Variants in NBEAL1 observed in about 807,000 individuals in gnomAD.
NBEAL1 encodes neurobeachin-like protein 1.
In NBEAL1, 273 loss-of-function variants were observed where a neutral mutation model predicts 351.3. That is an observed-to-expected ratio of 0.78 (90% confidence interval 0.70 to 0.86). The LOEUF (loss-of-function observed/expected upper bound fraction) is 0.86, where lower values mean the gene tolerates loss of function less well. Among genes scored for constraint, NBEAL1 ranks in the 40% least tolerant of loss-of-function variants. The pLI, the probability that NBEAL1 is intolerant of heterozygous loss-of-function variation, is 0.00. For synonymous variants in NBEAL1, 1,050 were observed against 1,086.4 expected (o/e 0.97, Z 0.66); for missense variants, 2,961 against 3,201.3 (o/e 0.92, Z 1.81).
Position 203,180,461 on chromosome 2 carries a change from G to T in NBEAL1, c.6544G>T (p.Glu2182Ter). Reference sequence around the variant, plus strand: ...TATGGATAATCCATATGATGTTAAAGAACTTATTCCTGAATTCTTCTATTT... The same window carrying T: ...TATGGATAATCCATATGATGTTAAATAACTTATTCCTGAATTCTTCTATTT... ...ALMDNPYDVKELIPEFFYFPE... is the reference protein window; with the variant it reads ...ALMDNPYDVK The change falls in exon 43 of 56, where the codon GAA (glutamate) becomes TAA (stop). Residue 2182 changes from glutamate to a stop codon, truncating the protein, a stop_gained. Transcript: ENST00000683969. LOFTEE classifies it high-confidence loss of function. 6.2e-7 allele frequency: 1 copy of T among 1,612,078 alleles called. No homozygotes were observed. The highest frequency in any genetic ancestry group is 1.1e-5 in the South Asian group (1 of 90,746).
At chr2:203,207,232 C>T (rs550526590) in intron 51 of NBEAL1, among the ~76,000 whole-genome samples, 24 of 151,808 alleles carry the variant, frequency 1.6e-4, no homozygotes, top group African/African-American at 5.6e-4. Context: ...GCAGCCACCC[C>T]ATCTGGGAAG....
At chr2:203,070,484 C>T (rs1293620052) in intron 7 of NBEAL1, among the ~76,000 whole-genome samples, 2 of 151,758 alleles carry the variant, frequency 1.3e-5, no homozygotes. Flanking sequence ...TTGCCTCAGC[C>T]TCCTGAGTAG....
At chr2:203,119,703 G>A (rs566656090) in intron 18 of NBEAL1, among the ~76,000 whole-genome samples, 176 of 152,200 alleles carry the variant, frequency 1.2e-3, no homozygotes, top group African/African-American at 4.1e-3. Context: ...TGGGATTACA[G>A]GTGTGAGCCA....
chr2:203,201,851 A>G (rs1307201477), intron 50 of NBEAL1, 136 bp downstream of exon 50: 1 of 592,254 alleles, frequency 1.7e-6, no homozygotes, highest in Non-Finnish European at 2.7e-6. Context: ...GTGTAGGATT[A>G]TAAATATATA....
rs1316187005 is a variant in NBEAL1, at chr2:203,113,330, C to T, written c.2506+12C>T. On this transcript the variant is annotated intron_variant, in intron 17 of 55. Transcript: ENST00000683969. ...ATTATATTTAGCAGGTAAGCATGTA[C>T]AGTCATAATGCTTAAGCAAATTTAG... is the stretch of plus-strand genomic sequence containing the variant. 1.5e-6 allele frequency: 2 copies of T among 1,355,078 alleles called. No homozygotes were observed. The highest frequency in any genetic ancestry group is 1.9e-6 in the Non-Finnish European group (2 of 1,047,576). 83.9% of individuals were successfully genotyped at this position (1,355,078 alleles called of 1,614,324 possible). A position where few individuals can be genotyped will look rare whatever the true frequency, so the allele number is the denominator to read the frequency against.
chr2:203,086,880 C>T (rs1460706789), intron 10 of NBEAL1, among the ~76,000 whole-genome samples: 3 of 151,710 alleles, frequency 2.0e-5, no homozygotes, highest in African/African-American at 7.3e-5. Context: ...CCATTATCGA[C>T]CCAGTTTCTC....
At chr2:203,024,054 GGTGCAGTGGCTCATGCCT>G (rs1229923857) in intron 2 of NBEAL1, among the ~76,000 whole-genome samples, 4 of 151,988 alleles carry the variant, frequency 2.6e-5, no homozygotes, top group African/African-American at 9.7e-5. Flanking sequence ...ATATTGGCTG[GGTGCAGTGGCTCATGCCT>G]ATAATTCTAG....
intron 2 of NBEAL1, among the ~76,000 whole-genome samples, chr2:203,034,490 C>T (rs1367943898): frequency 3.8e-5 from 5 of 131,594 alleles, no homozygotes; most frequent in South Asian, 2.5e-4. Flanking sequence ...TGGAGTTTCA[C>T]TCTTGTTGCC....
rs763472177 is a variant in NBEAL1, at chr2:203,213,536, C to T, written c.7953C>T (p.Asn2651=). 5.6e-6 allele frequency: 9 copies of T among 1,613,352 alleles called. No homozygotes were observed. The South Asian group carries it at 6.6e-5, about 12-fold the overall frequency. ...RDLHSLNLSI[N]PLAMRLPIHC... ...TTTCTAGCTTGAATCTCAGCATCAA[C>T]CCATTAGCCATGCGACTGCCTATCC... Residue 2651 remains asparagine (N), a synonymous_variant, in exon 55 of 56, where the codon AAC becomes AAT. Transcript: ENST00000683969.
intron 2 of NBEAL1, chr2:203,040,048 G>A: frequency 1.5e-6 from 1 of 652,848 alleles, no homozygotes; most frequent in East Asian, 2.6e-5. Context: ...TTGAGAATAT[G>A]TCATTTAAAA....
chr2:203,132,272 G>A, intron 26 of NBEAL1, 140 bp downstream of exon 26: 1 of 595,718 alleles, frequency 1.7e-6, no homozygotes. Context: ...ATCTTACGTA[G>A]TTTTGTTGTT....
chr2:203,203,610 G>A (rs1288473836), intron 51 of NBEAL1, among the ~76,000 whole-genome samples: 2 of 152,262 alleles, frequency 1.3e-5, no homozygotes, highest in South Asian at 2.1e-4. Context: ...GGAGGCTGAG[G>A]TGGAAGGATT....
chr2:203,144,773 CA>C lies in NBEAL1; in HGVS notation c.5026del (p.Ile1676PhefsTer7). The C allele has an allele frequency of 6.2e-7, 1 of 1,614,116 alleles. No homozygotes were observed. The highest frequency in any genetic ancestry group is 2.2e-5 in the East Asian group (1 of 44,864). On this transcript the variant is annotated frameshift_variant, in exon 32 of 56. Transcript: ENST00000683969. LOFTEE classifies it high-confidence loss of function. ...LIPLVRTLVS[K>X]IYELLFMNLH... The stretch of plus-strand genomic sequence containing the variant: ...TTCCCCTTGTTCGTACCCTGGTTTC[CA>C]AAATTTATGAGCTTCTCTTCATGAA...
chr2:203,139,239 A>G (rs541442833), intron 31 of NBEAL1, among the ~76,000 whole-genome samples: 14 of 152,140 alleles, frequency 9.2e-5, no homozygotes, highest in African/African-American at 3.4e-4. Flanking sequence ...AGATATGAAG[A>G]TAAATATTGG....
At chr2:203,207,228 A>G (rs1324963598) in intron 51 of NBEAL1, among the ~76,000 whole-genome samples, 1 of 148,878 alleles carries the variant, frequency 6.7e-6, no homozygotes, top group Non-Finnish European at 1.5e-5. Flanking sequence ...CCTGGCAGCC[A>G]CCCCATCTGG....
chr2:203,201,283 A>G (rs1376929064), intron 49 of NBEAL1, among the ~76,000 whole-genome samples: 1 of 152,202 alleles, frequency 6.6e-6, no homozygotes, highest in Non-Finnish European at 1.5e-5. Context: ...GAAATCCAAG[A>G]TTTAAGCTTT....
chr2:203,222,166 G>A lies in NBEAL1; in HGVS notation c.*4812G>A, dbSNP rs529415661. Among the ~76,000 whole-genome samples the A allele has an allele frequency of 2.0e-5, 3 of 152,172 alleles. No homozygotes were observed. The highest frequency in any genetic ancestry group is 2.1e-4 in the South Asian group (1 of 4,830). Reference sequence around the variant, plus strand: ...TGCACCACTGCACTTCAGCCTAGGTGGCAGAGTTAGACCCTGTCTCCAAAA... The same window carrying A: ...TGCACCACTGCACTTCAGCCTAGGTAGCAGAGTTAGACCCTGTCTCCAAAA... On this transcript the variant is annotated 3_prime_UTR_variant, in exon 56 of 56. Coordinates refer to ENST00000683969, the MANE Select transcript of NBEAL1 (RefSeq NM_001378026.1).
intron 2 of NBEAL1, among the ~76,000 whole-genome samples, chr2:203,022,729 G>A (rs1033311462): frequency 6.6e-6 from 1 of 152,058 alleles, no homozygotes; most frequent in Admixed American, 6.6e-5. Flanking sequence ...ATAATAGAGG[G>A]CAATATTCTC....
chr2:203,134,320 C>T (rs2063148394), intron 27 of NBEAL1, among the ~76,000 whole-genome samples: 1 of 152,066 alleles, frequency 6.6e-6, no homozygotes, highest in South Asian at 2.1e-4. Flanking sequence ...TTTATGGAAA[C>T]TTTAAAGTCA....
Sources: allele counts gnomAD v4.1 joint callset (sites outside exome capture counted in the v4.1 genomes callset), GRCh38; gene constraint gnomAD v4.1.1; transcripts MANE v1.5; gene names NCBI Gene and HGNC (gene_info 2026-07-23, HGNC 2026-07-21).